Variants in PHEX observed in about 807,000 individuals in gnomAD.
The protein encoded by PHEX is phosphate-regulating neutral endopeptidase PHEX.
PHEX carries 16 observed loss-of-function variants against 68.0 expected under a neutral mutation model. The observed-to-expected ratio is 0.24, with a 90% confidence interval of 0.16 to 0.36. PHEX has a LOEUF of 0.36. Ranked by LOEUF, PHEX falls within the 10% of genes least tolerant of loss-of-function variation. The pLI, the probability that PHEX is intolerant of heterozygous loss-of-function variation, is 1.00. For missense variants in PHEX, 480 were observed against 575.5 expected, an observed-to-expected ratio of 0.83 and a Z score of 1.70; for synonymous variants, 208 against 205.1, an observed-to-expected ratio of 1.01 and a Z score of -0.12.
At chrX:22,219,692 C>CACTGCA (rs1389955423) in intron 17 of PHEX, among the ~76,000 whole-genome samples, 1 of 112,026 alleles carries the variant, frequency 8.9e-6, no homozygotes, top group Middle Eastern at 4.7e-3. Flanking sequence ...GATCTCGGCT[C>CACTGCA]ACTGCAACCT....
intron 8 of PHEX, chrX:22,097,668 T>G: frequency 5.2e-6 from 3 of 578,202 alleles, no homozygotes; most frequent in Non-Finnish European, 6.3e-6. Context: ...AAGAAAAGGT[T>G]GGGAAAAGAC....
At chrX:22,186,349 T>A (rs756387656) in intron 14 of PHEX, among the ~76,000 whole-genome samples, 73 of 112,308 alleles carry the variant, frequency 6.5e-4, no homozygotes, top group African/African-American at 2.3e-3. Context: ...TTCTGCTGCG[T>A]ATTATTCTTT....
At chrX:22,143,658 C>T (rs186157915) in intron 12 of PHEX, among the ~76,000 whole-genome samples, 52 of 112,447 alleles carry the variant, frequency 4.6e-4, no homozygotes, top group Non-Finnish European at 7.7e-4. Context: ...AATGAGATCA[C>T]GCACCAATGC....
At chrX:22,155,513 T>C (rs1216851776) in intron 12 of PHEX, among the ~76,000 whole-genome samples, 1 of 112,235 alleles carries the variant, frequency 8.9e-6, no homozygotes, top group Non-Finnish European at 1.9e-5. Context: ...TTGGTATTTA[T>C]TGCAGGTGTG....
intron 18 of PHEX, among the ~76,000 whole-genome samples, chrX:22,223,244 T>A (rs192126212): frequency 1.1e-3 from 123 of 111,906 alleles, no homozygotes; most frequent in African/African-American, 3.8e-3. Context: ...TGAATCTTGC[T>A]TTGTAGTGAC....
At chrX:22,240,664 G>A (rs2147206518) in intron 20 of PHEX, among the ~76,000 whole-genome samples, 1 of 109,208 alleles carries the variant, frequency 9.2e-6, no homozygotes, top group Admixed American at 9.6e-5. Context: ...AAAGAAAGAA[G>A]AGCATTACAT....
At chrX:22,239,839 G>A (rs1432067220) in intron 20 of PHEX, among the ~76,000 whole-genome samples, 1 of 111,366 alleles carries the variant, frequency 9.0e-6, no homozygotes, top group African/African-American at 3.3e-5. Context: ...CCAGGAGAAC[G>A]TCCCCAACCT....
At chrX:22,129,884 T>C (rs1418192321) in intron 11 of PHEX, among the ~76,000 whole-genome samples, 4 of 111,773 alleles carry the variant, frequency 3.6e-5, no homozygotes, top group African/African-American at 1.3e-4. Flanking sequence ...TTTTTCTCCT[T>C]CATAGACAAA....
At chrX:22,185,756 G>GTTTTTTGTTT (rs1207128506) in intron 14 of PHEX, among the ~76,000 whole-genome samples, 5,452 of 87,647 alleles carry the variant, frequency 0.062, 285 homozygotes, top group African/African-American at 0.14. Flanking sequence ...CTCGTTTGTG[G>GTTTTTTGTTT]TTTTTTTTTT....
At chrX:22,209,770 T>C in intron 15 of PHEX, among the ~76,000 whole-genome samples, 1 of 87,739 alleles carries the variant, frequency 1.1e-5, no homozygotes. Flanking sequence ...CTCCTCCCTC[T>C]CCTCCCTCTC....
At chrX:22,113,003 TTTTGTGTGTGTGTGTG>T (rs1259090712) in intron 10 of PHEX, among the ~76,000 whole-genome samples, 291 of 86,146 alleles carry the variant, frequency 3.4e-3, no homozygotes, top group African/African-American at 0.013. Flanking sequence ...AACAAGTAGG[TTTTGTGTGTGTGTGTG>T]TGTGTGTGTG....
At chrX:22,111,597 T>C (rs1004972527) in intron 10 of PHEX, 37 bp downstream of exon 10, 5 of 951,428 alleles carry the variant, frequency 5.3e-6, no homozygotes, top group Non-Finnish European at 7.6e-6. Context: ...CATCGCTGGA[T>C]AACTTTACAT....
intron 16 of PHEX, among the ~76,000 whole-genome samples, chrX:22,217,828 G>A (rs1313969354): frequency 1.8e-5 from 2 of 111,695 alleles, no homozygotes; most frequent in Non-Finnish European, 3.8e-5. Context: ...ACTTACATTT[G>A]AGAGAGAAAA....
intron 14 of PHEX, among the ~76,000 whole-genome samples, chrX:22,186,271 G>GTGTT (rs1934030910): frequency 8.9e-6 from 1 of 111,904 alleles, no homozygotes; most frequent in Non-Finnish European, 1.9e-5. Context: ...GAGGGAGGGT[G>GTGTT]TGTTTGTATG....
intron 2 of PHEX, among the ~76,000 whole-genome samples, chrX:22,046,661 A>G (rs1393721297): frequency 9.7e-6 from 1 of 102,629 alleles, no homozygotes; most frequent in Non-Finnish European, 2.0e-5. Context: ...TCTGCCTCCT[A>G]GGTTTAAGTA....
intron 2 of PHEX, among the ~76,000 whole-genome samples, chrX:22,041,507 C>T (rs1385050545): frequency 9.2e-6 from 1 of 108,400 alleles, no homozygotes; most frequent in Non-Finnish European, 1.9e-5. Flanking sequence ...TCCGTCTTTT[C>T]CTTGGTGATA....
intron 21 of PHEX, among the ~76,000 whole-genome samples, chrX:22,245,791 T>G (rs1936374698): frequency 8.9e-6 from 1 of 112,147 alleles, no homozygotes; most frequent in Non-Finnish European, 1.9e-5. Flanking sequence ...ACTGCATTAT[T>G]GGACTTACTC....
At chrX:22,150,170 T>A (rs1255810427) in intron 12 of PHEX, among the ~76,000 whole-genome samples, 1 of 111,928 alleles carries the variant, frequency 8.9e-6, no homozygotes, top group African/African-American at 3.3e-5. Context: ...CTTAGGTGAT[T>A]CGAATGAGCA....
chrX:22,162,889 A>G (rs1168761098), intron 12 of PHEX: 2 of 111,491 alleles, frequency 1.8e-5, no homozygotes, highest in African/African-American at 6.5e-5. Context: ...TGATTACTAG[A>G]TGGCTGCTCG....
Sources: gnomAD v4.1 joint callset for allele counts (sites outside exome capture counted in the v4.1 genomes callset) on GRCh38, gnomAD v4.1.1 for gene constraint, MANE v1.5 for transcripts, NCBI Gene and HGNC (gene_info 2026-07-23, HGNC 2026-07-21) for gene names.